The following LDB2 variants were observed in gnomAD, a reference collection of about 807,000 sequenced individuals.
The protein encoded by LDB2 is LIM domain-binding protein 2.
A neutral mutation model predicts 44.3 loss-of-function variants in LDB2; 12 were observed. The ratio of observed to expected loss-of-function variants is 0.27; its 90% CI spans 0.17 to 0.44. LDB2 has a LOEUF of 0.44. Among genes scored for constraint, LDB2 ranks in the 20% least tolerant of loss-of-function variants. The pLI, the probability that LDB2 is intolerant of heterozygous loss-of-function variation, is 1.00. For missense variants in LDB2, 344 were observed against 473.5 expected, an observed-to-expected ratio of 0.73 and a Z score of 2.54; for synonymous variants, 164 against 174.8, an observed-to-expected ratio of 0.94 and a Z score of 0.49.
intron 1 of LDB2, among the ~76,000 whole-genome samples, chr4:16,819,770 A>G (rs537595168): frequency 2.0e-5 from 3 of 152,208 alleles, no homozygotes; most frequent in Non-Finnish European, 2.9e-5. Context: ...AAGTGTTGGA[A>G]TTGGGGACTG....
chr4:16,813,985 C>T (rs964692770), intron 1 of LDB2, among the ~76,000 whole-genome samples: 48 of 151,972 alleles, frequency 3.2e-4, no homozygotes, highest in African/African-American at 1.1e-3. Context: ...CATTCTCCTG[C>T]CTCAGCCTCC....
chr4:16,595,527 AC>A (rs1256390387), intron 3 of LDB2, among the ~76,000 whole-genome samples, 175 bp downstream of exon 3: 2 of 152,128 alleles, frequency 1.3e-5, no homozygotes, highest in Non-Finnish European at 2.9e-5. Flanking sequence ...ACATCTTAGA[AC>A]CGTGTTCACC....
intron 2 of LDB2, among the ~76,000 whole-genome samples, chr4:16,641,318 T>C (rs1035173891): frequency 2.0e-5 from 3 of 152,160 alleles, no homozygotes; most frequent in African/African-American, 4.8e-5. Context: ...AAACAAGGCA[T>C]GTTCAATGAG....
intron 2 of LDB2, among the ~76,000 whole-genome samples, chr4:16,666,392 T>C (rs1179498847): frequency 1.3e-5 from 2 of 152,194 alleles, no homozygotes; most frequent in Non-Finnish European, 2.9e-5. Flanking sequence ...GGGAGCCTCG[T>C]GAGCCTGCAG....
intron 2 of LDB2, among the ~76,000 whole-genome samples, chr4:16,606,784 G>A (rs1373829663): frequency 3.9e-5 from 6 of 152,180 alleles, no homozygotes; most frequent in Non-Finnish European, 8.8e-5. Context: ...AACTCTAAGA[G>A]TTCTTATAAA....
intron 2 of LDB2, among the ~76,000 whole-genome samples, chr4:16,732,573 T>C (rs1760982425): frequency 6.6e-6 from 1 of 152,206 alleles, no homozygotes; most frequent in African/African-American, 2.4e-5. Flanking sequence ...GATTTTATAG[T>C]ACAGATAGCC....
chr4:16,831,174 C>CTTTTTTTTTTTTTTT (rs370309653), intron 1 of LDB2, among the ~76,000 whole-genome samples: 1 of 126,750 alleles, frequency 7.9e-6, no homozygotes. Flanking sequence ...CCTCTCTGAG[C>CTTTTTTTTTTTTTTT]TTTTTTTTTT....
intron 1 of LDB2, among the ~76,000 whole-genome samples, chr4:16,760,065 C>T (rs1024593605): frequency 1.3e-5 from 2 of 152,154 alleles, no homozygotes; most frequent in African/African-American, 2.4e-5. Context: ...GAAGGTTATA[C>T]AGAGTGTCAT....
At chr4:16,808,946 T>G (rs971626415) in intron 1 of LDB2, among the ~76,000 whole-genome samples, 1 of 152,198 alleles carries the variant, frequency 6.6e-6, no homozygotes, top group African/African-American at 2.4e-5. Flanking sequence ...GGAACTACTC[T>G]GAAAGTCCCT....
intron 5 of LDB2, among the ~76,000 whole-genome samples, chr4:16,556,758 C>T (rs1017738436): frequency 2.6e-5 from 4 of 152,090 alleles, no homozygotes; most frequent in Non-Finnish European, 4.4e-5. Context: ...GTTTTAACTA[C>T]GTTTATTTAA....
intron 5 of LDB2, among the ~76,000 whole-genome samples, chr4:16,556,125 C>G (rs748573991): frequency 3.7e-4 from 56 of 152,198 alleles, no homozygotes; most frequent in Non-Finnish European, 7.1e-4. Context: ...GGCAAATTTC[C>G]TTTGTTGTAT....
chr4:16,705,690 A>C (rs1185447918), intron 2 of LDB2, among the ~76,000 whole-genome samples: 3 of 152,204 alleles, frequency 2.0e-5, no homozygotes. Context: ...GCAACGTGCT[A>C]GTCCTTTTTA....
chr4:16,638,875 T>C (rs1303502184), intron 2 of LDB2, among the ~76,000 whole-genome samples: 1 of 152,208 alleles, frequency 6.6e-6, no homozygotes. Context: ...ACGGGTTTTG[T>C]GGGAGCACAG....
chr4:16,731,331 T>C (rs1277276332), intron 2 of LDB2, among the ~76,000 whole-genome samples: 1 of 152,172 alleles, frequency 6.6e-6, no homozygotes, highest in African/African-American at 2.4e-5. Context: ...TGCTATGAAC[T>C]GAATTGTGTC....
At chr4:16,876,406 A>G (rs866446710) in intron 1 of LDB2, among the ~76,000 whole-genome samples, 7 of 152,210 alleles carry the variant, frequency 4.6e-5, no homozygotes, top group African/African-American at 1.7e-4. Context: ...CGGCAGCTAG[A>G]GCCTGGAGTT....
chr4:16,779,212 C>A (rs1561203054), intron 1 of LDB2, among the ~76,000 whole-genome samples: 1 of 152,192 alleles, frequency 6.6e-6, no homozygotes, highest in African/African-American at 2.4e-5. Context: ...CAGGACGCCT[C>A]ACCGCTGCTC....
intron 5 of LDB2, among the ~76,000 whole-genome samples, chr4:16,583,816 T>G (rs932055315): frequency 1.3e-5 from 2 of 152,198 alleles, no homozygotes; most frequent in Non-Finnish European, 2.9e-5. Context: ...CTGAGGATCA[T>G]TCCCTGGGCT....
chr4:16,641,052 A>G (rs1226670974), intron 2 of LDB2, among the ~76,000 whole-genome samples: 1 of 152,192 alleles, frequency 6.6e-6, no homozygotes, highest in African/African-American at 2.4e-5. Flanking sequence ...ATAAGGAAAA[A>G]AAGAACAAAG....
chr4:16,671,114 A>C (rs1023040045), intron 2 of LDB2, among the ~76,000 whole-genome samples: 5 of 124,922 alleles, frequency 4.0e-5, no homozygotes, highest in African/African-American at 1.3e-4. Flanking sequence ...CATACAAAAA[A>C]AAAAAACAAA....
Sources: allele counts gnomAD v4.1 joint callset (sites outside exome capture counted in the v4.1 genomes callset), GRCh38; gene constraint gnomAD v4.1.1; transcripts MANE v1.5; gene names NCBI Gene and HGNC (gene_info 2026-07-23, HGNC 2026-07-21).